SLC27A5: variants seen among roughly 807,000 people sequenced by gnomAD.
SLC27A5 encodes solute carrier family 27 member 5.
Under a neutral mutation model 63.1 loss-of-function variants are expected in SLC27A5, and 47 were observed. The observed-to-expected ratio is 0.74, with a 90% CI of 0.59 to 0.95. The LOEUF is 0.95. Ranked by LOEUF, SLC27A5 falls within the 40% of genes least tolerant of loss-of-function variation. The pLI, the probability that SLC27A5 is intolerant of heterozygous loss-of-function variation, is 0.00. For missense variants in SLC27A5, 940 were observed against 921.0 expected, an observed-to-expected ratio of 1.02 and a Z score of -0.27; for synonymous variants, 391 against 403.8, an observed-to-expected ratio of 0.97 and a Z score of 0.38.
At chr19:58,506,384 C>T (rs918327338) in intron 3 of SLC27A5, among the ~76,000 whole-genome samples, 1 of 152,026 alleles carries the variant, frequency 6.6e-6, no homozygotes, top group African/African-American at 2.4e-5. Context: ...AGAATACAAA[C>T]ATTAGCCAGG....
chr19:58,503,439 C>A (rs2053307082), intron 3 of SLC27A5, among the ~76,000 whole-genome samples: 1 of 151,986 alleles, frequency 6.6e-6, no homozygotes, highest in South Asian at 2.1e-4. Context: ...GGGGGTGGAT[C>A]ACCTGAAAGA....
In SLC27A5 at chr19:58,499,163, G is replaced by A; in HGVS notation, c.1725C>T (p.Asp575=). The A allele has an allele frequency of 6.2e-7, 1 of 1,614,058 alleles. No individual in the cohort carries two copies. Among genetic ancestry groups the A allele is most frequent in the South Asian group, 1.1e-5 (1 of 91,084 alleles). ...CATACACGTTAACCTGTTGCAAGAAGTCCACCTGCGACAACACGCCCTCCA... is the reference window on the plus strand; with the variant it reads ...CATACACGTTAACCTGTTGCAAGAAATCCACCTGCGACAACACGCCCTCCA... The part of the protein sequence containing the change: ...HEVEGVLSQV[D]FLQQVNVYGV... The change falls in exon 8 of 10, where the codon GAC becomes GAT. Residue 575 remains aspartate, a synonymous_variant. Coordinates refer to ENST00000263093, the MANE Select transcript of SLC27A5 (RefSeq NM_012254.3).
chr19:58,502,827 G>C (rs957107553), intron 3 of SLC27A5, among the ~76,000 whole-genome samples: 2 of 150,118 alleles, frequency 1.3e-5, no homozygotes, highest in Non-Finnish European at 2.9e-5. Flanking sequence ...AGAGTAGTGA[G>C]TGAGTAGATG....
In SLC27A5 at chr19:58,499,587, C is replaced by T; in HGVS notation, c.1572G>A (p.Arg524=). ...LSERKLVRNV[R]QSGDVYYNTG... ...TGTTGTAGTAAACGTCGCCCGATTG[C>T]CGCACGTTGCGCACCAGCTTCCGTT... is the stretch of plus-strand genomic sequence containing the variant. The change falls in exon 7 of 10, where the codon CGG becomes CGA. Residue 524 remains arginine (R), a synonymous_variant. Coordinates refer to ENST00000263093, the MANE Select transcript of SLC27A5 (RefSeq NM_012254.3). The T allele has an allele frequency of 3.7e-6, 6 of 1,613,084 alleles. No homozygotes were observed. Among genetic ancestry groups the T allele is most frequent in the Non-Finnish European group, 5.1e-6 (6 of 1,179,994 alleles).
rs754007697 is a variant in SLC27A5, at chr19:58,510,845, T to C, written c.774A>G (p.Thr258=). The part of the protein sequence containing the change: ...RCFYLSHTSP[T]PGVGALGAAL... ...CAGCCCCCAGAGCCCCCACCCCTGG[T>C]GTAGGGGAGGTATGGCTGAGGTAGA... is the stretch of plus-strand genomic sequence containing the variant. Residue 258 remains threonine, a synonymous_variant, in exon 2 of 10, where the codon ACA becomes ACG. Transcript: ENST00000263093. 2.5e-6 allele frequency: 4 copies of C among 1,612,824 alleles called. No homozygotes were observed. The highest frequency in any genetic ancestry group is 1.7e-5 in the Admixed American group (1 of 59,910).
In SLC27A5 at chr19:58,498,900, A is replaced by G; in HGVS notation, c.1781T>C (p.Val594Ala). 1 of 1,612,790 alleles carries G rather than the reference A, an allele frequency of 6.2e-7. No homozygotes were observed. Among genetic ancestry groups the G allele is most frequent in the Non-Finnish European group, 8.5e-7 (1 of 1,179,924 alleles). Residue 594 changes from valine to alanine, a missense_variant, in exon 9 of 10, where the codon GTG becomes GCG. Val to Ala is a moderately conservative substitution (Grantham distance 64). Transcript: ENST00000263093. ...GVCVPGCEGK[V>A]GMAAVQLAPG... ...GGCTAGCTGCACAGCAGCCATGCCC[A>G]CCTTACCCTCACAACCTAGAGAGCA...
rs544656642 is a variant in SLC27A5, at chr19:58,500,580, C to A, written c.1309G>T (p.Gly437Cys). 5 of 1,614,134 alleles carry A rather than the reference C, an allele frequency of 3.1e-6. No individual in the cohort carries two copies. The highest frequency in any genetic ancestry group is 1.1e-5 in the South Asian group (1 of 91,084). The change falls in exon 5 of 10, where the codon GGC (glycine) becomes TGC (cysteine). Residue 437 changes from glycine (G) to cysteine (C), a missense_variant. Gly to Cys is a radical substitution (Grantham distance 159, BLOSUM62 -3). Coordinates refer to ENST00000263093, the MANE Select transcript of SLC27A5 (RefSeq NM_012254.3). ...ACATAGTTGACTAAGCCCATGTTGC[C>A]TTCTGTGGAGCCGTAGACTTCCCAG... ...RIWEVYGSTE[G>C]NMGLVNYVGR...
At chr19:58,506,909 A>G (rs1324548920) in intron 3 of SLC27A5, among the ~76,000 whole-genome samples, 1 of 151,854 alleles carries the variant, frequency 6.6e-6, no homozygotes, top group Non-Finnish European at 1.5e-5. Context: ...ATGACTGGCT[A>G]ATTTTTGTAT....
intron 2 of SLC27A5, 59 bp downstream of exon 2, chr19:58,510,662 T>A (rs2053399332): frequency 7.1e-7 from 1 of 1,404,234 alleles, no homozygotes; most frequent in Non-Finnish European, 9.6e-7. Flanking sequence ...AAGTCAAGTG[T>A]GGGGTCAGGT....
intron 6 of SLC27A5, 33 bp downstream of exon 6, chr19:58,500,305 CT>C (rs2053258983): frequency 6.3e-7 from 1 of 1,580,144 alleles, no homozygotes; most frequent in African/African-American, 1.3e-5. Flanking sequence ...GTCGCCACCC[CT>C]GCCACCCAGG....
At position 58,505,462 on chromosome 19, in the gene SLC27A5, A is replaced by T. The variant is rs565056498; in HGVS notation, c.1058-4052T>A. ...TAGCCAGGCTGATCTTGAACTCCTG[A>T]CCTCAGGTGATCCACCAGACTCATC... On this transcript the variant is annotated intron_variant, in intron 3 of 9. Coordinates refer to ENST00000263093, the MANE Select transcript of SLC27A5 (RefSeq NM_012254.3). Among the ~76,000 whole-genome samples, 3 of 151,488 alleles carry T rather than the reference A, an allele frequency of 2.0e-5. No individual in the cohort carries two copies. In the East Asian group the frequency reaches 6.0e-4, roughly 30 times the overall value.
chr19:58,499,484 C>T lies in SLC27A5; in HGVS notation c.1667+8G>A, dbSNP rs1160574890. On this transcript the variant is annotated splice_region_variant and intron_variant, in intron 7 of 9. Transcript: ENST00000263093. ...GCCAGCCCCGCCCCGAGAAACCCTGCCTCGGACCGGAAGGTGTCCCCGAGG... is the reference window on the plus strand; with the variant it reads ...GCCAGCCCCGCCCCGAGAAACCCTGTCTCGGACCGGAAGGTGTCCCCGAGG... 16 of 1,612,518 alleles carry T rather than the reference C, an allele frequency of 9.9e-6. No individual in the cohort carries two copies. Among genetic ancestry groups the T allele is most frequent in the Non-Finnish European group, 1.4e-5 (16 of 1,179,930 alleles).
Position 58,510,910 on chromosome 19 carries a change from C to G in SLC27A5, c.709G>C (p.Glu237Gln), listed in dbSNP as rs1255647914. The change falls in exon 2 of 10, where the codon GAG (glutamate) becomes CAG (glutamine). Residue 237 changes from glutamate to glutamine, a missense_variant. Coordinates refer to ENST00000263093, the MANE Select transcript of SLC27A5 (RefSeq NM_012254.3). The part of the protein sequence containing the change: ...VDPDLRESLE[E>Q]ILPKLQAENI... ...TCAGCCTGCAGCTTGGGAAGGATCT[C>G]CTCCAGGCTCTCCCGGAGGTCTGCA... 3.7e-6 allele frequency: 6 copies of G among 1,607,824 alleles called. No individual in the cohort carries two copies. The highest frequency in any genetic ancestry group is 5.1e-6 in the Non-Finnish European group (6 of 1,176,320).
Position 58,499,575 on chromosome 19 carries a change from G to A in SLC27A5, c.1584C>T (p.Asp528=), listed in dbSNP as rs1236594486. 2.5e-6 allele frequency: 4 copies of A among 1,612,960 alleles called. No individual in the cohort carries two copies. The highest frequency in any genetic ancestry group is 3.4e-6 in the Non-Finnish European group (4 of 1,180,018). The change falls in exon 7 of 10, where the codon GAC becomes GAT. Residue 528 remains aspartate (D), a synonymous_variant. Coordinates refer to ENST00000263093, the MANE Select transcript of SLC27A5 (RefSeq NM_012254.3). ...KLVRNVRQSG[D]VYYNTGDVLA... ...GTACGTCCCCGGTGTTGTAGTAAAC[G>A]TCGCCCGATTGCCGCACGTTGCGCA...
intron 3 of SLC27A5, among the ~76,000 whole-genome samples, chr19:58,503,958 C>A (rs1002847274): frequency 2.4e-4 from 36 of 151,730 alleles, no homozygotes; most frequent in Non-Finnish European, 2.7e-4. Flanking sequence ...ACTAAAAATA[C>A]AAAAAAATTA....
At position 58,510,945 on chromosome 19, in the gene SLC27A5, C is replaced by A; in HGVS notation, c.689-15G>T. 2 of 1,564,750 alleles carry A rather than the reference C, an allele frequency of 1.3e-6. No individual in the cohort carries two copies. Among genetic ancestry groups the A allele is most frequent in the South Asian group, 1.2e-5 (1 of 84,738 alleles). ...CTCCCGGAGGTCTGCAGAGATGGGTCAGAGGAGAAACAGAGGCAAGGCTCA... is the reference window on the plus strand; with the variant it reads ...CTCCCGGAGGTCTGCAGAGATGGGTAAGAGGAGAAACAGAGGCAAGGCTCA... On this transcript the variant is annotated splice_polypyrimidine_tract_variant and intron_variant, in intron 1 of 9. Transcript: ENST00000263093.
At chr19:58,506,363 C>T (rs1218078305) in intron 3 of SLC27A5, among the ~76,000 whole-genome samples, 2 of 152,052 alleles carry the variant, frequency 1.3e-5, no homozygotes, top group Non-Finnish European at 2.9e-5. Flanking sequence ...GGCAAAACCC[C>T]GTCTCTACTA....
At chr19:58,505,928 G>A (rs1159146407) in intron 3 of SLC27A5, among the ~76,000 whole-genome samples, 5 of 151,448 alleles carry the variant, frequency 3.3e-5, no homozygotes, top group African/African-American at 7.3e-5. Context: ...CGAGGCGGGC[G>A]GATCACGAGG....
intron 7 of SLC27A5, 66 bp from the exon 8 acceptor site, chr19:58,499,286 C>T: frequency 1.3e-6 from 2 of 1,506,390 alleles, no homozygotes; most frequent in East Asian, 2.4e-5. Flanking sequence ...CTCTTGCCCC[C>T]GCCCCGCCCC....
Sources: allele counts gnomAD v4.1 joint callset (sites outside exome capture counted in the v4.1 genomes callset), GRCh38; gene constraint gnomAD v4.1.1; transcripts MANE v1.5; gene names NCBI Gene and HGNC (gene_info 2026-07-23, HGNC 2026-07-21).